Variants in DOCK9 observed in about 807,000 individuals in gnomAD.
DOCK9 encodes dedicator of cytokinesis 9, also known as dedicator of cytokinesis protein 9.
DOCK9 carries 89 observed loss-of-function variants against 263.3 expected under a neutral mutation model. That is an observed-to-expected ratio of 0.34 (90% CI 0.28 to 0.40). DOCK9 has a LOEUF of 0.40. Among genes scored for constraint, DOCK9 ranks in the 10% least tolerant of loss-of-function variants. The pLI, the probability that DOCK9 is intolerant of heterozygous loss-of-function variation, is 1.00. For missense variants in DOCK9, 2,140 were observed against 2,603.4 expected (o/e 0.82, Z 3.87); for synonymous variants, 976 against 973.1 (o/e 1.00, Z -0.06).
At chr13:98,817,479 G>T (rs1594302891) in intron 45 of DOCK9, among the ~76,000 whole-genome samples, 1 of 85,668 alleles carries the variant, frequency 1.2e-5, no homozygotes, top group East Asian at 2.4e-4. Flanking sequence ...TTTTGGTAGG[G>T]ATAGGGTCTC....
rs544367085 is a variant in DOCK9 at position 98,885,925 on chromosome 13, G to A, written c.2137-94C>T. Reference sequence around the variant, plus strand: ...AGTATGTGTTACCCAACGCATAAACGTGCACTTGTTCTCCGAGCGGATATT... The same window carrying A: ...AGTATGTGTTACCCAACGCATAAACATGCACTTGTTCTCCGAGCGGATATT... On this transcript the variant is annotated intron_variant, in intron 19 of 52. Transcript: ENST00000682017. 2.1e-3 allele frequency: 2,501 copies of A among 1,208,528 alleles called. 86 individuals carry two copies. The South Asian group carries it at 0.041, about 20-fold the overall frequency. The allele number at this position is 1,208,528 out of a possible 1,614,324, so 74.9% of individuals were successfully genotyped here. A position where few individuals can be genotyped will look rare whatever the true frequency, so the allele number is the denominator to read the frequency against.
intron 32 of DOCK9, among the ~76,000 whole-genome samples, chr13:98,860,886 CTCTT>C (rs1418795935): frequency 6.6e-6 from 1 of 152,166 alleles, no homozygotes; most frequent in Non-Finnish European, 1.5e-5. Context: ...GCCTCCCCTG[CTCTT>C]TCTAACTGGA....
At chr13:98,879,255 A>G (rs1199309282) in intron 27 of DOCK9, among the ~76,000 whole-genome samples, 1 of 152,202 alleles carries the variant, frequency 6.6e-6, no homozygotes, top group East Asian at 1.9e-4. Context: ...GGCTGAGTGC[A>G]GTGGGAACCA....
chr13:98,878,558 C>G (rs562440737), intron 27 of DOCK9, among the ~76,000 whole-genome samples: 1 of 152,178 alleles, frequency 6.6e-6, no homozygotes, highest in Non-Finnish European at 1.5e-5. Context: ...TGCATGTGCA[C>G]GCACACTTAG....
chr13:99,084,231 T>C (rs2042241578), intron 1 of DOCK9, among the ~76,000 whole-genome samples: 1 of 152,064 alleles, frequency 6.6e-6, no homozygotes, highest in African/African-American at 2.4e-5. Context: ...GGTGGGGGGA[T>C]GAGGTGTGTG....
At chr13:98,923,774 T>C (rs1231399650) in intron 4 of DOCK9, among the ~76,000 whole-genome samples, 1 of 152,194 alleles carries the variant, frequency 6.6e-6, no homozygotes, top group Non-Finnish European at 1.5e-5. Context: ...AAGACACCAA[T>C]ACCAATAAGC....
chr13:98,841,967 G>A (rs931119838), intron 38 of DOCK9, among the ~76,000 whole-genome samples: 8 of 151,880 alleles, frequency 5.3e-5, no homozygotes, highest in Admixed American at 2.6e-4. Context: ...ACTATTTTGA[G>A]TATATGTTTA....
Position 98,986,549 on chromosome 13 carries a change from C to T in DOCK9, c.130-30998G>A, listed in dbSNP as rs148256303. 2.0e-3 allele frequency among the ~76,000 whole-genome samples: 302 copies of T among 152,356 alleles called. 2 individuals carry two copies. Among genetic ancestry groups the T allele is most frequent in the African/African-American group, 7.1e-3 (295 of 41,580 alleles). ...GTGTATAGTAATAACAGCTCCCCAA[C>T]AATCATCTGGAAGTCCCCTCTTCTA... On this transcript the variant is annotated intron_variant, in intron 1 of 32. Coordinates refer to the DOCK9 transcript ENST00000427887.
upstream of DOCK9, chr13:99,088,350 C>T (rs968487566): frequency 3.3e-5 from 5 of 152,252 alleles, no homozygotes; most frequent in South Asian, 2.1e-4. Context: ...TTCCCTGCCT[C>T]CCCGGGGAAC....
At chr13:98,902,150 C>A in intron 12 of DOCK9, 138 bp downstream of exon 12, 1 of 1,051,198 alleles carries the variant, frequency 9.5e-7, no homozygotes. Context: ...CTTTTACTGT[C>A]TAATAATAAA....
intron 2 of DOCK9, among the ~76,000 whole-genome samples, chr13:98,935,006 G>A (rs2054586886): frequency 6.6e-6 from 1 of 152,174 alleles, no homozygotes; most frequent in South Asian, 2.1e-4. Context: ...AATTATTAGA[G>A]TGTGATAAGT....
At chr13:98,828,415 T>C (rs2092629927) in intron 43 of DOCK9, among the ~76,000 whole-genome samples, 1 of 152,236 alleles carries the variant, frequency 6.6e-6, no homozygotes, top group Non-Finnish European at 1.5e-5. Flanking sequence ...CTTCTCTTAG[T>C]TATTCCTTTT....
chr13:99,032,700 AAC>A (rs1887479748), intron 1 of DOCK9, among the ~76,000 whole-genome samples: 1 of 151,894 alleles, frequency 6.6e-6, no homozygotes. Context: ...GACAAATTAA[AAC>A]AGAGTTGGTG....
chr13:99,024,979 T>A (rs149394176), intron 1 of DOCK9, among the ~76,000 whole-genome samples: 20 of 152,340 alleles, frequency 1.3e-4, no homozygotes, highest in Admixed American at 3.9e-4. Context: ...GCTGACTCCT[T>A]ACAAGGTTTT....
chr13:99,060,752 T>C (rs2142287073), intron 1 of DOCK9, among the ~76,000 whole-genome samples: 1 of 152,280 alleles, frequency 6.6e-6, no homozygotes, highest in Non-Finnish European at 1.5e-5. Flanking sequence ...GTCTAGGGTA[T>C]CTTTGGGTCC....
At chr13:98,961,785 C>G (rs1459397937) in intron 1 of DOCK9, among the ~76,000 whole-genome samples, 4 of 152,182 alleles carry the variant, frequency 2.6e-5, no homozygotes, top group African/African-American at 9.7e-5. Context: ...CCATACAGCT[C>G]CATTGTTGCT....
intron 10 of DOCK9, among the ~76,000 whole-genome samples, chr13:98,903,357 G>T (rs1464266166): frequency 6.6e-6 from 1 of 152,110 alleles, no homozygotes; most frequent in Non-Finnish European, 1.5e-5. Flanking sequence ...ACTTTGGGAG[G>T]CCGAGGCTGG....
intron 27 of DOCK9, among the ~76,000 whole-genome samples, chr13:98,872,425 G>A (rs1309871010): frequency 8.4e-6 from 1 of 119,318 alleles, no homozygotes; most frequent in African/African-American, 3.0e-5. Flanking sequence ...GTTTTTTTTT[G>A]AGACAAGGTC....
chr13:99,052,854 T>A (rs2040764003), intron 1 of DOCK9, among the ~76,000 whole-genome samples: 1 of 152,118 alleles, frequency 6.6e-6, no homozygotes, highest in Admixed American at 6.5e-5. Context: ...TTTTCTCACT[T>A]TGAGTTGAGT....
Sources: gnomAD v4.1 joint callset for allele counts (sites outside exome capture counted in the v4.1 genomes callset) on GRCh38, gnomAD v4.1.1 for gene constraint, MANE v1.5 for transcripts, NCBI Gene and HGNC (gene_info 2026-07-23, HGNC 2026-07-21) for gene names.